SEMA4C: variants seen among roughly 807,000 people sequenced by gnomAD.
The protein encoded by SEMA4C is semaphorin 4C, also known as semaphorin-4C.
SEMA4C carries 19 observed loss-of-function variants against 89.0 expected under a neutral mutation model. The observed-to-expected ratio is 0.21, with a 90% CI of 0.15 to 0.31. The LOEUF (loss-of-function observed/expected upper bound fraction) is 0.31, where lower values mean the gene tolerates loss of function less well. Among genes scored for constraint, SEMA4C ranks in the 10% least tolerant of loss-of-function variants. The pLI is 1.00. For missense variants in SEMA4C, 811 were observed against 1,107.0 expected (o/e 0.73, Z 3.79); for synonymous variants, 428 against 472.7 (o/e 0.91, Z 1.23).
rs2080170145 is a variant in SEMA4C, at chr2:96,869,983, C to G, written c.-145G>C. ...CTGCCCGCGCTCGCCCGCCAGCCCT[C>G]CGCGGCCTCTCTGCCACCGCCCCTC... On this transcript the variant is annotated 5_prime_UTR_variant, in exon 1 of 15. Coordinates refer to ENST00000305476, the MANE Select transcript of SEMA4C (RefSeq NM_017789.5). 4 of 986,456 alleles carry G rather than the reference C, an allele frequency of 4.1e-6. No individual in the cohort carries two copies. The highest frequency in any genetic ancestry group is 4.8e-6 in the Non-Finnish European group (4 of 830,330). 61.1% of individuals were successfully genotyped at this position (986,456 alleles called of 1,614,324 possible). A position where few individuals can be genotyped will look rare whatever the true frequency, so the allele number is the denominator to read the frequency against.
At position 96,864,958 on chromosome 2, in the gene SEMA4C, C is replaced by T. The variant is rs75696188; in HGVS notation, c.786+6G>A. 389 of 1,591,776 alleles carry T rather than the reference C, an allele frequency of 2.4e-4. 4 individuals are homozygous for T. In the East Asian group the frequency reaches 6.9e-3, roughly 28 times the overall value. On this transcript the variant is annotated splice_donor_region_variant and intron_variant, in intron 8 of 14. Coordinates refer to ENST00000305476, the MANE Select transcript of SEMA4C (RefSeq NM_017789.5). This position sits in a 1 kb window ranked among gnomAD's most constrained non-coding sequence, Gnocchi z 6.3. ...TCCCAGGGCCCACCGCTGTGAGACTCGGTACCTTGCAGACACGGGCCACAC... is the reference window on the plus strand; with the variant it reads ...TCCCAGGGCCCACCGCTGTGAGACTTGGTACCTTGCAGACACGGGCCACAC...
rs773582028 is a variant in SEMA4C at position 96,865,237 on chromosome 2, T to C, written c.601A>G (p.Met201Val). 1 of 1,614,110 alleles carries C rather than the reference T, an allele frequency of 6.2e-7. No homozygotes were observed. Among genetic ancestry groups the C allele is most frequent in the Admixed American group, 1.7e-5 (1 of 60,032 alleles). ...ILRNMGPHHS[M>V]KTEYLAFWLN... ...CAAAAGGCCAGGTACTCTGTCTTCA[T>C]GGAGTGGTGGGGCCCCATGTTACGC... Residue 201 changes from methionine (M) to valine (V), a missense_variant, in exon 7 of 15, where the codon ATG becomes GTG. Transcript: ENST00000305476.
At position 96,864,194 on chromosome 2, in the gene SEMA4C, C is replaced by A; in HGVS notation, c.1107+44G>T. 6.2e-7 allele frequency: 1 copy of A among 1,612,992 alleles called. No homozygotes were observed. Among genetic ancestry groups the A allele is most frequent in the Non-Finnish European group, 8.5e-7 (1 of 1,179,832 alleles). On this transcript the variant is annotated intron_variant, in intron 10 of 14. Coordinates refer to ENST00000305476, the MANE Select transcript of SEMA4C (RefSeq NM_017789.5). This position sits in a 1 kb window ranked among gnomAD's most constrained non-coding sequence, Gnocchi z 6.3. Reference sequence around the variant, plus strand: ...GCAGGCCATCAGCAGGGTGGGATGGCACCGCAGCTGGGTGGGGAGATGCAT... The same window carrying A: ...GCAGGCCATCAGCAGGGTGGGATGGAACCGCAGCTGGGTGGGGAGATGCAT...
chr2:96,860,297 C>CAT lies in SEMA4C; in HGVS notation c.*327_*328dup, dbSNP rs994603828. 8.3e-6 allele frequency: 3 copies of CAT among 360,940 alleles called. No homozygotes were observed. Among genetic ancestry groups the CAT allele is most frequent in the Non-Finnish European group, 1.5e-5 (3 of 198,638 alleles). The allele number at this position is 360,940 out of a possible 1,614,324, so 22.4% of individuals were successfully genotyped here. On this transcript the variant is annotated 3_prime_UTR_variant, in exon 15 of 15. Transcript: ENST00000305476. ...AAGCGCGCACGCGCGTGCACACACACATACACACACACACAAACACATGTG... is the reference window on the plus strand; with the variant it reads ...AAGCGCGCACGCGCGTGCACACACACATATACACACACACACAAACACATGTG...
At position 96,869,464 on chromosome 2, in the gene SEMA4C, G is replaced by T. The variant is rs915458341; in HGVS notation, c.-38+412C>A. On this transcript the variant is annotated intron_variant, in intron 1 of 14. Transcript: ENST00000305476. Reference sequence around the variant, plus strand: ...TCCGGGACAACCCGCCTCCCCAGCGGAATGGGCGGGCGGGCGGGGGGCCGC... The same window carrying T: ...TCCGGGACAACCCGCCTCCCCAGCGTAATGGGCGGGCGGGCGGGGGGCCGC... The T allele has an allele frequency of 2.1e-5, 13 of 625,744 alleles. No homozygotes were observed. The South Asian group carries it at 8.2e-4, about 40-fold the overall frequency. 38.8% of individuals were successfully genotyped at this position (625,744 alleles called of 1,614,324 possible). A position where few individuals can be genotyped will look rare whatever the true frequency, so the allele number is the denominator to read the frequency against.
intron 12 of SEMA4C, 125 bp from the exon 13 acceptor site, chr2:96,862,019 A>G (rs1367010702): frequency 6.0e-6 from 6 of 994,340 alleles, no homozygotes; most frequent in Non-Finnish European, 8.8e-6. Flanking sequence ...GGGGCGCCAG[A>G]AGGAGGAACA....
Position 96,861,912 on chromosome 2 carries a change from C to A in SEMA4C, c.1444-18G>T. 1 of 1,595,682 alleles carries A rather than the reference C, an allele frequency of 6.3e-7. No homozygotes were observed. The highest frequency in any genetic ancestry group is 8.5e-7 in the Non-Finnish European group (1 of 1,172,054). On this transcript the variant is annotated intron_variant, in intron 12 of 14. Transcript: ENST00000305476. This position sits in a 1 kb window ranked among gnomAD's most constrained non-coding sequence, Gnocchi z 7.8. ...AGCAGCTTCTGCGAGAAAAGCGGGGCGCAGGAGGGGGGTCGGCCAGGGCCA... is the reference window on the plus strand; with the variant it reads ...AGCAGCTTCTGCGAGAAAAGCGGGGAGCAGGAGGGGGGTCGGCCAGGGCCA...
At chr2:96,865,832 G>A in intron 4 of SEMA4C, 35 bp downstream of exon 4, 1 of 1,612,994 alleles carries the variant, frequency 6.2e-7, no homozygotes. Flanking sequence ...GTCCTGGGGT[G>A]AAGGCAGCAC....
In SEMA4C at chr2:96,864,420, C is replaced by T. The variant is rs1281761543; in HGVS notation, c.963-38G>A. ...GAGGGAGCCCAGGGTCAGGTACCCA[C>T]CTTATCTCTTCCCACCCCAGCTAAG... On this transcript the variant is annotated intron_variant, in intron 9 of 14. Coordinates refer to ENST00000305476, the MANE Select transcript of SEMA4C (RefSeq NM_017789.5). This position sits in a 1 kb window ranked among gnomAD's most constrained non-coding sequence, Gnocchi z 6.3. 4.4e-6 allele frequency: 7 copies of T among 1,609,130 alleles called. No homozygotes were observed. The highest frequency in any genetic ancestry group is 4.0e-5 in the African/African-American group (3 of 75,028).
In SEMA4C at chr2:96,861,296, G is replaced by A; in HGVS notation, c.1832C>T (p.Ala611Val). ...GGGCTGGGCAGCCATCACAACCAGG[G>A]CCTGGAGCCGGGCATCGTAGAGGAA... ...GSFLYDARLQ[A>V]LVVMAAQPRH... Residue 611 changes from alanine (A) to valine (V), a missense_variant, in exon 15 of 15, where the codon GCC becomes GTC. By Grantham distance (64) the Ala-to-Val change is moderately conservative. Coordinates refer to ENST00000305476, the MANE Select transcript of SEMA4C (RefSeq NM_017789.5). The surrounding 1 kb of genome is among the most constrained non-coding windows in gnomAD (Gnocchi z 7.8). 6.2e-7 allele frequency: 1 copy of A among 1,607,856 alleles called. No homozygotes were observed. Among genetic ancestry groups the A allele is most frequent in the Non-Finnish European group, 8.5e-7 (1 of 1,179,830 alleles).
At chr2:96,870,814 G>A (rs968816915), upstream of SEMA4C, 3 of 949,464 alleles carry the variant, frequency 3.2e-6, no homozygotes, top group East Asian at 2.3e-4. Flanking sequence ...GCCACCTTCA[G>A]AACCACCAGC....
chr2:96,863,759 G>A lies in SEMA4C; in HGVS notation c.1366C>T (p.Pro456Ser). 1 of 1,613,996 alleles carries A rather than the reference G, an allele frequency of 6.2e-7. No individual in the cohort carries two copies. The highest frequency in any genetic ancestry group is 8.5e-7 in the Non-Finnish European group (1 of 1,180,026). The change falls in exon 12 of 15, where the codon CCC (proline) becomes TCC (serine). Residue 456 changes from proline (P) to serine (S), a missense_variant. By Grantham distance (74) the Pro-to-Ser change is moderately conservative (BLOSUM62 -1). Transcript: ENST00000305476. Reference protein sequence around the residue: ...GWLLKAVSLGPWVHLIEELQL... With the variant: ...GWLLKAVSLGSWVHLIEELQL... Reference sequence around the variant, plus strand: ...AGCTCCTCAATCAGGTGAACCCAGGGCCCCAGGCTCACAGCCTTGAGCAGC... The same window carrying A: ...AGCTCCTCAATCAGGTGAACCCAGGACCCCAGGCTCACAGCCTTGAGCAGC...
At position 96,864,399 on chromosome 2, in the gene SEMA4C, G is replaced by A. The variant is rs1404524120; in HGVS notation, c.963-17C>T. 3 of 1,612,348 alleles carry A rather than the reference G, an allele frequency of 1.9e-6. No individual in the cohort carries two copies. The highest frequency in any genetic ancestry group is 1.6e-4 in the Middle Eastern group (1 of 6,062). ...ATGTCACCCCTGTCACAGCGAGAGG[G>A]AGCCCAGGGTCAGGTACCCACCTTA... On this transcript the variant is annotated splice_polypyrimidine_tract_variant and intron_variant, in intron 9 of 14. Coordinates refer to ENST00000305476, the MANE Select transcript of SEMA4C (RefSeq NM_017789.5). This position sits in a 1 kb window ranked among gnomAD's most constrained non-coding sequence, Gnocchi z 6.3.
In SEMA4C at chr2:96,860,064, C is replaced by T. The variant is rs1268363983; in HGVS notation, c.*562G>A. On this transcript the variant is annotated 3_prime_UTR_variant, in exon 15 of 15. Transcript: ENST00000305476. ...AACATTCACAGCCCTAGGAGCAGGA[C>T]TAGGCCCACCCCAAGCCCTGCACTC... 7.0e-6 allele frequency: 1 copy of T among 142,174 alleles called. No homozygotes were observed. Among genetic ancestry groups the T allele is most frequent in the East Asian group, 2.3e-4 (1 of 4,428 alleles). 8.8% of individuals were successfully genotyped at this position (142,174 alleles called of 1,614,324 possible).
At chr2:96,867,598 G>C (rs929180440) in intron 2 of SEMA4C, among the ~76,000 whole-genome samples, 180 bp downstream of exon 2, 4 of 152,172 alleles carry the variant, frequency 2.6e-5, no homozygotes, top group Non-Finnish European at 5.9e-5. Context: ...CTGGGGTGGG[G>C]AGTTGGACAG....
Position 96,860,672 on chromosome 2 carries a change from T to C in SEMA4C, c.2456A>G (p.Gln819Arg). The C allele has an allele frequency of 6.2e-7, 1 of 1,612,992 alleles. No individual in the cohort carries two copies. Among genetic ancestry groups the C allele is most frequent in the East Asian group, 2.2e-5 (1 of 44,872 alleles). Reference sequence around the variant, plus strand: ...GTTGGAGTCGGGCAGTGGCTGGCGTTGCTGCAGTTTGCGTCTCAGTTCATC... The same window carrying C: ...GTTGGAGTCGGGCAGTGGCTGGCGTCGCTGCAGTTTGCGTCTCAGTTCATC... Reference protein sequence around the residue: ...LADELRRKLQQRQPLPDSNPE... With the variant: ...LADELRRKLQRRQPLPDSNPE... The change falls in exon 15 of 15, where the codon CAA becomes CGA. Residue 819 changes from glutamine to arginine, a missense_variant. Physicochemically the swap from Gln to Arg is conservative, Grantham distance 43. This residue lies in a region of SEMA4C where 248 missense variants were observed against 269.0 expected (regional missense o/e 0.92). Transcript: ENST00000305476.
chr2:96,866,183 T>G, intron 3 of SEMA4C, 100 bp downstream of exon 3: 1 of 1,487,792 alleles, frequency 6.7e-7, no homozygotes, highest in African/African-American at 1.4e-5. Flanking sequence ...GCAGCACTTC[T>G]GTGGGGGCAG....
Position 96,861,423 on chromosome 2 carries a change from C to T in SEMA4C, c.1705G>A (p.Ala569Thr), listed in dbSNP as rs368595092. The change falls in exon 15 of 15, where the codon GCG (alanine) becomes ACG (threonine). Residue 569 changes from alanine to threonine, a missense_variant. Coordinates refer to ENST00000305476, the MANE Select transcript of SEMA4C (RefSeq NM_017789.5). This position sits in a 1 kb window ranked among gnomAD's most constrained non-coding sequence, Gnocchi z 7.8. ...CAGGGCAGCACCAGGTCTGTGCCCGCCACCACCGTGATGTTTTTGGGAGTG... is the reference window on the plus strand; with the variant it reads ...CAGGGCAGCACCAGGTCTGTGCCCGTCACCACCGTGATGTTTTTGGGAGTG... ...RPTPKNITVV[A>T]GTDLVLPCHL... The T allele has an allele frequency of 5.1e-5, 83 of 1,611,826 alleles. No individual in the cohort carries two copies. Among genetic ancestry groups the T allele is most frequent in the Non-Finnish European group, 6.7e-5 (79 of 1,180,028 alleles).
At chr2:96,866,671 A>C in intron 2 of SEMA4C, 4 of 669,824 alleles carry the variant, frequency 6.0e-6, no homozygotes, top group East Asian at 5.8e-5. Flanking sequence ...AGGATATCTC[A>C]GCCACAGCTT....
Sources: gnomAD v4.1 joint callset for allele counts (sites outside exome capture counted in the v4.1 genomes callset) on GRCh38, gnomAD v4.1.1 for gene constraint, gnomAD v4.1.1 regional missense constraint, Gnocchi (gnomAD v3.1) non-coding constraint, MANE v1.5 for transcripts, NCBI Gene and HGNC (gene_info 2026-07-23, HGNC 2026-07-21) for gene names.